EEIG2: variants seen among roughly 807,000 people sequenced by gnomAD.
EEIG2 encodes EEIG family member 2, also known as family with sequence similarity 102 member B.
At chr1:108,631,143 A>G in the EEIG2 span, 1 of 399,784 alleles carries the variant, frequency 2.5e-6, no homozygotes, top group Non-Finnish European at 5.0e-6. Flanking sequence ...CTGCTTATTA[A>G]ATTCAGTAAC....
chr1:108,587,911 G>A, the EEIG2 span, among the ~76,000 whole-genome samples: 1 of 152,106 alleles, frequency 6.6e-6, no homozygotes, highest in South Asian at 2.1e-4. Flanking sequence ...AATAAATTTT[G>A]TGAGTTTGAG....
At chr1:108,582,517 A>G in the EEIG2 span, among the ~76,000 whole-genome samples, 2 of 152,216 alleles carry the variant, frequency 1.3e-5, no homozygotes, top group African/African-American at 4.8e-5. Flanking sequence ...GATTTTACAT[A>G]TCTAAATTCT....
the EEIG2 span, among the ~76,000 whole-genome samples, chr1:108,560,820 G>T: frequency 6.6e-6 from 1 of 152,266 alleles, no homozygotes; most frequent in South Asian, 2.1e-4. Context: ...AATGGCCAGA[G>T]AGGGAGGATG....
chr1:108,636,389 T>C, the EEIG2 span: 1 of 152,200 alleles, frequency 6.6e-6, no homozygotes, highest in African/African-American at 2.4e-5. Flanking sequence ...TCCCCAATTC[T>C]TACTTTCAAA....
At chr1:108,612,135 C>A in the EEIG2 span, 1 of 1,332,826 alleles carries the variant, frequency 7.5e-7, no homozygotes, top group Non-Finnish European at 1.1e-6. Context: ...ATGATAGAAG[C>A]CTACTAGATA....
chr1:108,625,774 C>CTCTGTGTGTGTGTG, the EEIG2 span: 3 of 23,214 alleles, frequency 1.3e-4, no homozygotes, highest in Admixed American at 7.1e-4. Flanking sequence ...CTCTCTCTCT[C>CTCTGTGTGTGTGTG]TGTGTGTGTG....
chr1:108,635,034 G>T, the EEIG2 span: 1 of 1,492,992 alleles, frequency 6.7e-7, no homozygotes, highest in Non-Finnish European at 9.3e-7. Flanking sequence ...CATCTCTCCA[G>T]GGGTAAGGTT....
At chr1:108,624,591 A>G in the EEIG2 span, 48 of 1,496,858 alleles carry the variant, frequency 3.2e-5, no homozygotes, top group Non-Finnish European at 4.0e-5. Flanking sequence ...ATCAATAACT[A>G]TTGTAAACTT....
chr1:108,614,661 C>A, the EEIG2 span, among the ~76,000 whole-genome samples: 1 of 152,158 alleles, frequency 6.6e-6, no homozygotes, highest in Non-Finnish European at 1.5e-5. Flanking sequence ...TTCCTCTTGG[C>A]TTCTGGAATC....
chr1:108,570,097 T>C, the EEIG2 span, among the ~76,000 whole-genome samples: 1 of 152,186 alleles, frequency 6.6e-6, no homozygotes, highest in East Asian at 1.9e-4. Context: ...TTTGCAGTAA[T>C]AAATATAAAC....
the EEIG2 span, among the ~76,000 whole-genome samples, chr1:108,569,730 C>G: frequency 1.3e-5 from 2 of 152,180 alleles, no homozygotes; most frequent in African/African-American, 4.8e-5. Context: ...ATAGCTGGGA[C>G]TGGACAGCTT....
the EEIG2 span, chr1:108,629,775 A>G: frequency 8.1e-4 from 606 of 744,900 alleles, 4 homozygotes; most frequent in African/African-American, 9.4e-3. Context: ...CACAGATAGT[A>G]GTAGTTACAT....
At chr1:108,635,132 A>T in the EEIG2 span, 1 of 1,614,166 alleles carries the variant, frequency 6.2e-7, no homozygotes, top group Non-Finnish European at 8.5e-7. Flanking sequence ...CTTATGAACA[A>T]GTTGTGATCA....
chr1:108,565,222 A>G, the EEIG2 span, among the ~76,000 whole-genome samples: 1 of 152,228 alleles, frequency 6.6e-6, no homozygotes, highest in African/African-American at 2.4e-5. Context: ...TCAGTTAACA[A>G]TGAGGATCTG....
chr1:108,566,667 G>T, the EEIG2 span, among the ~76,000 whole-genome samples: 1 of 151,972 alleles, frequency 6.6e-6, no homozygotes, highest in African/African-American at 2.4e-5. Flanking sequence ...AGAAGATGTG[G>T]TATATACAAT....
At chr1:108,588,163 A>G in the EEIG2 span, among the ~76,000 whole-genome samples, 140 of 152,302 alleles carry the variant, frequency 9.2e-4, no homozygotes, top group African/African-American at 3.2e-3. Flanking sequence ...TTAATGATGA[A>G]ATGAACATGG....
At chr1:108,602,009 G>A in the EEIG2 span, among the ~76,000 whole-genome samples, 99 of 152,288 alleles carry the variant, frequency 6.5e-4, no homozygotes, top group African/African-American at 2.3e-3. Flanking sequence ...TAGTAAACAT[G>A]TAGCCAAATA....
chr1:108,628,885 A>T, the EEIG2 span: 1 of 1,197,134 alleles, frequency 8.4e-7, no homozygotes, highest in Non-Finnish European at 1.2e-6. Flanking sequence ...GAGGCTCAGA[A>T]CATCATAATA....
At chr1:108,573,276 T>C in the EEIG2 span, among the ~76,000 whole-genome samples, 1 of 152,196 alleles carries the variant, frequency 6.6e-6, no homozygotes, top group East Asian at 1.9e-4. Context: ...ATACTAGTAG[T>C]AAGTGATAGA....
Sources: allele counts gnomAD v4.1 joint callset (sites outside exome capture counted in the v4.1 genomes callset), GRCh38; gene constraint gnomAD v4.1.1; transcripts MANE v1.5; gene names NCBI Gene and HGNC (gene_info 2026-07-23, HGNC 2026-07-21).